Variants in C12orf42 observed in about 807,000 individuals in gnomAD.
C12orf42 encodes uncharacterized protein C12orf42.
In C12orf42, 25 loss-of-function variants were observed where a neutral mutation model predicts 21.6. The ratio of observed to expected loss-of-function variants is 1.16; its 90% confidence interval spans 0.84 to 1.62. The LOEUF (loss-of-function observed/expected upper bound fraction) is 1.62, where lower values mean the gene tolerates loss of function less well. Among genes scored for constraint, C12orf42 ranks in the 40% most tolerant of loss-of-function variants. The pLI, the probability that C12orf42 is intolerant of heterozygous loss-of-function variation, is 0.00. For missense variants in C12orf42, 483 were observed against 459.3 expected, an observed-to-expected ratio of 1.05 and a Z score of -0.47; for synonymous variants, 174 against 175.0, an observed-to-expected ratio of 0.99 and a Z score of 0.05.
the C12orf42 span, among the ~76,000 whole-genome samples, chr12:103,522,036 T>C: frequency 6.6e-6 from 1 of 152,152 alleles, no homozygotes; most frequent in Admixed American, 6.6e-5. Flanking sequence ...CATGTTCCCT[T>C]GGCTGGTGAT....
chr12:103,085,264 G>A, the C12orf42 span, among the ~76,000 whole-genome samples: 10 of 152,276 alleles, frequency 6.6e-5, no homozygotes, highest in South Asian at 8.3e-4. Context: ...AATTCTAAGA[G>A]AGTCTCTTAG....
intron 4 of C12orf42, among the ~76,000 whole-genome samples, chr12:103,362,182 A>T (rs1566154505): frequency 6.6e-6 from 1 of 152,028 alleles, no homozygotes; most frequent in East Asian, 1.9e-4. Flanking sequence ...ACATCACAGG[A>T]CTCTGTGTAG....
intron 4 of C12orf42, among the ~76,000 whole-genome samples, chr12:103,312,142 GGAGGAAACA>G (rs1179944824): frequency 3.9e-5 from 6 of 152,178 alleles, no homozygotes; most frequent in Non-Finnish European, 7.3e-5. Context: ...ATGTTACTGA[GGAGGAAACA>G]GAGATACAAA....
the C12orf42 span, chr12:103,557,851 A>G: frequency 2.6e-5 from 4 of 152,132 alleles, no homozygotes; most frequent in African/African-American, 9.7e-5. Context: ...CAAAACCAAA[A>G]AGCCTAACAT....
At chr12:103,552,012 C>T in the C12orf42 span, among the ~76,000 whole-genome samples, 1 of 151,392 alleles carries the variant, frequency 6.6e-6, no homozygotes, top group Non-Finnish European at 1.5e-5. Context: ...TCACAAGAAA[C>T]ACTTCTGTGA....
intron 4 of C12orf42, among the ~76,000 whole-genome samples, chr12:103,291,372 T>C (rs2036810945): frequency 6.6e-6 from 1 of 152,172 alleles, no homozygotes; most frequent in African/African-American, 2.4e-5. Flanking sequence ...AATCCCAAAA[T>C]TGGGCCTCAG....
At chr12:103,204,373 C>T in the C12orf42 span, among the ~76,000 whole-genome samples, 1 of 152,116 alleles carries the variant, frequency 6.6e-6, no homozygotes, top group African/African-American at 2.4e-5. Context: ...TTTTCTGCCT[C>T]CTGCTGAGTT....
the C12orf42 span, among the ~76,000 whole-genome samples, chr12:103,072,346 T>C: frequency 6.6e-6 from 1 of 152,078 alleles, no homozygotes; most frequent in African/African-American, 2.4e-5. Context: ...ACAAGTCCCT[T>C]TAAACAGACA....
the C12orf42 span, among the ~76,000 whole-genome samples, chr12:103,145,069 G>C: frequency 2.0e-5 from 3 of 152,150 alleles, no homozygotes; most frequent in South Asian, 6.2e-4. Context: ...TACACACAAT[G>C]AGGGATTATC....
downstream of C12orf42, among the ~76,000 whole-genome samples, chr12:103,301,302 C>T (rs1043909535): frequency 5.9e-5 from 9 of 152,106 alleles, no homozygotes; most frequent in Non-Finnish European, 1.0e-4. Flanking sequence ...GTATGCATAT[C>T]GGTCACATTG....
intron 10 of C12orf42, among the ~76,000 whole-genome samples, chr12:103,256,936 A>G (rs1379003548): frequency 3.3e-5 from 5 of 152,144 alleles, no homozygotes; most frequent in Admixed American, 2.6e-4. Flanking sequence ...TTTGACTTTT[A>G]ATAATAGCTA....
chr12:103,201,675 T>C, the C12orf42 span, among the ~76,000 whole-genome samples: 4 of 152,118 alleles, frequency 2.6e-5, no homozygotes, highest in East Asian at 7.7e-4. Flanking sequence ...CAATTGGCCG[T>C]TGTCAACTTC....
the C12orf42 span, among the ~76,000 whole-genome samples, chr12:103,195,916 T>C: frequency 6.6e-6 from 1 of 152,158 alleles, no homozygotes; most frequent in Non-Finnish European, 1.5e-5. Context: ...TTCATAGTTT[T>C]AGGTTTTATA....
At chr12:103,137,046 G>C in the C12orf42 span, among the ~76,000 whole-genome samples, 3 of 152,118 alleles carry the variant, frequency 2.0e-5, no homozygotes, top group Non-Finnish European at 4.4e-5. Context: ...AAACTAAAAA[G>C]CTGCTGCACA....
At chr12:103,546,379 A>G in the C12orf42 span, among the ~76,000 whole-genome samples, 2 of 152,240 alleles carry the variant, frequency 1.3e-5, no homozygotes, top group Non-Finnish European at 2.9e-5. Flanking sequence ...TCCAGGGCAC[A>G]TCTTCCCTAA....
At chr12:103,413,653 C>A (rs2138962814) in intron 2 of C12orf42, among the ~76,000 whole-genome samples, 1 of 152,156 alleles carries the variant, frequency 6.6e-6, no homozygotes, top group Non-Finnish European at 1.5e-5. Flanking sequence ...CACTTCAAGT[C>A]CCCAAAGTCC....
At position 103,457,030 on chromosome 12, in the gene C12orf42, T is replaced by A. The variant is rs140978364; in HGVS notation, c.78+21319A>T. Among the ~76,000 whole-genome samples, 843 of 152,294 alleles carry A rather than the reference T, an allele frequency of 5.5e-3. 9 individuals are homozygous for A. The highest frequency in any genetic ancestry group is 0.02 in the African/African-American group (814 of 41,586). On this transcript the variant is annotated intron_variant, in intron 2 of 5. Coordinates refer to ENST00000548883, the MANE Select transcript of C12orf42 (RefSeq NM_198521.5). The stretch of plus-strand genomic sequence containing the variant: ...CTAAGAAGCTTAAATAACCCATGCA[T>A]AATAGAGAGAAAAAAACCACCCGAA...
chr12:103,547,286 G>T, the C12orf42 span, among the ~76,000 whole-genome samples: 1 of 152,136 alleles, frequency 6.6e-6, no homozygotes, highest in South Asian at 2.1e-4. Context: ...CAAGGGCTCC[G>T]CAGACATTTG....
intron 2 of C12orf42, chr12:103,477,049 G>A (rs1954106993): frequency 1.3e-5 from 2 of 152,120 alleles, no homozygotes; most frequent in African/African-American, 2.4e-5. Flanking sequence ...TTTAAAAATT[G>A]ATTCATTCAT....
Sources: gnomAD v4.1 joint callset for allele counts (sites outside exome capture counted in the v4.1 genomes callset) on GRCh38, gnomAD v4.1.1 for gene constraint, MANE v1.5 for transcripts, NCBI Gene and HGNC (gene_info 2026-07-23, HGNC 2026-07-21) for gene names.